GNG7: variants seen among roughly 807,000 people sequenced by gnomAD.
GNG7 encodes G protein subunit gamma 7.
Under a neutral mutation model 4.0 loss-of-function variants are expected in GNG7, and 1 was observed. That is an observed-to-expected ratio of 0.25 (90% CI 0.09 to 1.18). GNG7 has a LOEUF of 1.18. GNG7 is among the 50% of genes most tolerant of loss of function. GNG7 has a pLI of 0.50. For synonymous variants in GNG7, 34 were observed against 36.9 expected, an observed-to-expected ratio of 0.92 and a Z score of 0.29; for missense variants, 86 against 91.9, an observed-to-expected ratio of 0.94 and a Z score of 0.26.
chr19:2,524,513 T>C (rs1338126796), intron 3 of GNG7, among the ~76,000 whole-genome samples: 2 of 152,236 alleles, frequency 1.3e-5, no homozygotes, highest in Non-Finnish European at 2.9e-5. Context: ...AGTGTGCATA[T>C]ATGCGTGTGT....
intron 2 of GNG7, among the ~76,000 whole-genome samples, chr19:2,597,580 A>G (rs1981060790): frequency 8.2e-6 from 1 of 122,020 alleles, no homozygotes; most frequent in African/African-American, 3.1e-5. Flanking sequence ...CTGGGTGACA[A>G]GAGCAAAACT....
At position 2,617,747 on chromosome 19, in the gene GNG7, C is replaced by G. The variant is rs1981760923; in HGVS notation, c.-78+28477G>C. 1.3e-5 allele frequency among the ~76,000 whole-genome samples: 2 copies of G among 149,414 alleles called. No individual in the cohort carries two copies. Among genetic ancestry groups the G allele is most frequent in the African/African-American group, 2.5e-5 (1 of 40,180 alleles). On this transcript the variant is annotated intron_variant, in intron 2 of 4. Coordinates refer to ENST00000382159, the MANE Select transcript of GNG7 (RefSeq NM_052847.3). This position sits in a 1 kb window ranked among gnomAD's most constrained non-coding sequence, Gnocchi z 4.7. Reference sequence around the variant, plus strand: ...ATTTTTTTTTTTTTTGAGATAGGGTCTTGCTCTGTTGCCCAGGCTGGAGTG... The same window carrying G: ...ATTTTTTTTTTTTTTGAGATAGGGTGTTGCTCTGTTGCCCAGGCTGGAGTG...
At chr19:2,588,007 T>C (rs958943723) in intron 2 of GNG7, among the ~76,000 whole-genome samples, 1 of 152,132 alleles carries the variant, frequency 6.6e-6, no homozygotes, top group Admixed American at 6.5e-5. Context: ...TTCAGTATTG[T>C]TATTGCAAAT....
intron 1 of GNG7, among the ~76,000 whole-genome samples, chr19:2,698,311 C>G (rs1913319693): frequency 6.6e-6 from 1 of 151,504 alleles, no homozygotes. Context: ...CGCCTGTAAT[C>G]CCAACACTTT....
intron 3 of GNG7, chr19:2,538,900 C>T: frequency 4.9e-6 from 1 of 206,094 alleles, no homozygotes; most frequent in South Asian, 5.9e-5. Context: ...TCCCGAGTAG[C>T]TGGGATTACA....
chr19:2,569,244 T>C (rs11671754), intron 2 of GNG7, among the ~76,000 whole-genome samples: 71,472 of 152,014 alleles, frequency 0.47, 18,912 homozygotes, highest in South Asian at 0.58. Context: ...AGCTACACAG[T>C]GGATGGCGAT....
intron 3 of GNG7, among the ~76,000 whole-genome samples, chr19:2,551,645 A>ATTTATAAATATT (rs1979335396): frequency 7.0e-6 from 1 of 142,350 alleles, no homozygotes; most frequent in Admixed American, 7.4e-5. Context: ...ACACATATAC[A>ATTTATAAATATT]TATTTATAAA....
At chr19:2,637,683 G>A (rs772274892) in intron 2 of GNG7, among the ~76,000 whole-genome samples, 1 of 152,234 alleles carries the variant, frequency 6.6e-6, no homozygotes. Context: ...CTCCCCTTGC[G>A]TGTGTGGACA....
At chr19:2,552,124 G>A (rs550342480) in intron 3 of GNG7, among the ~76,000 whole-genome samples, 8 of 152,176 alleles carry the variant, frequency 5.3e-5, no homozygotes, top group African/African-American at 1.4e-4. Context: ...TTGGTTGCAC[G>A]CTCCTTATGA....
chr19:2,517,801 C>T (rs1026697070), intron 4 of GNG7, among the ~76,000 whole-genome samples: 2 of 152,250 alleles, frequency 1.3e-5, no homozygotes, highest in Non-Finnish European at 2.9e-5. Context: ...CATGAGCCGC[C>T]TCGCCTGGCC....
At chr19:2,662,979 A>G (rs1050382977) in intron 1 of GNG7, among the ~76,000 whole-genome samples, 15 of 152,212 alleles carry the variant, frequency 9.9e-5, no homozygotes, top group African/African-American at 3.6e-4. Context: ...CTGCACCAGA[A>G]AAAAATCAGG....
At chr19:2,693,807 G>C (rs1030185707) in intron 1 of GNG7, among the ~76,000 whole-genome samples, 3 of 152,076 alleles carry the variant, frequency 2.0e-5, no homozygotes, top group African/African-American at 4.8e-5. Context: ...ATGAGACAGA[G>C]ACAGCACCAG....
rs150770037 is a variant in GNG7, at chr19:2,600,213, T to C, written c.-77-45025A>G. Among the ~76,000 whole-genome samples, 1,013 of 151,756 alleles carry C rather than the reference T, an allele frequency of 6.7e-3. 7 individuals are homozygous for C. Among genetic ancestry groups the C allele is most frequent in the African/African-American group, 0.024 (973 of 41,374 alleles). On this transcript the variant is annotated intron_variant, in intron 2 of 4. Transcript: ENST00000382159. ...CCATTAAATATTTTTTTAAACCATA[T>C]ATTTTATATTAGGAGGATGACACGT...
At chr19:2,600,262 C>CAA (rs551659880) in intron 2 of GNG7, among the ~76,000 whole-genome samples, 13 of 132,418 alleles carry the variant, frequency 9.8e-5, no homozygotes, top group African/African-American at 3.0e-4. Flanking sequence ...AACTATTTTT[C>CAA]AAAAAAAAAA....
intron 1 of GNG7, among the ~76,000 whole-genome samples, chr19:2,688,994 G>A (rs962989583): frequency 2.6e-5 from 4 of 151,984 alleles, no homozygotes; most frequent in East Asian, 1.9e-4. Flanking sequence ...GAGCCCAGGA[G>A]TTGGAGGCTA....
rs571029694 is a variant in GNG7, at chr19:2,512,369, G to A, written c.*2653C>T. 3 of 985,302 alleles carry A rather than the reference G, an allele frequency of 3.0e-6. No homozygotes were observed. Among genetic ancestry groups the A allele is most frequent in the East Asian group, 1.1e-4 (1 of 8,796 alleles). The allele number at this position is 985,302 out of a possible 1,614,324, so 61.0% of individuals were successfully genotyped here. A position where few individuals can be genotyped will look rare whatever the true frequency, so the allele number is the denominator to read the frequency against. ...TCTACTCAAGAAAAAAAAAAGTGGA[G>A]AATTTTTTTTTTAATCCCCCAAGCT... On this transcript the variant is annotated 3_prime_UTR_variant, in exon 5 of 5. Transcript: ENST00000382159. The surrounding 1 kb of genome is among the most constrained non-coding windows in gnomAD (Gnocchi z 4.7).
intron 2 of GNG7, among the ~76,000 whole-genome samples, chr19:2,587,642 G>A (rs1980715384): frequency 6.6e-6 from 1 of 152,126 alleles, no homozygotes; most frequent in South Asian, 2.1e-4. Context: ...GCCTCATGCA[G>A]TTCACAAAAA....
intron 2 of GNG7, among the ~76,000 whole-genome samples, chr19:2,580,419 T>C (rs1194876490): frequency 6.6e-6 from 1 of 151,652 alleles, no homozygotes; most frequent in African/African-American, 2.4e-5. Context: ...GCCTCCCAAG[T>C]AGCTGGGACT....
chr19:2,638,577 G>A (rs112508922), intron 2 of GNG7, among the ~76,000 whole-genome samples: 1,727 of 138,542 alleles, frequency 0.012, 63 homozygotes, highest in African/African-American at 0.044. Flanking sequence ...AGGGAAGGGA[G>A]AAAGAAAGAG....
Sources: gnomAD v4.1 joint callset for allele counts (sites outside exome capture counted in the v4.1 genomes callset) on GRCh38, gnomAD v4.1.1 for gene constraint, Gnocchi (gnomAD v3.1) non-coding constraint, MANE v1.5 for transcripts, NCBI Gene and HGNC (gene_info 2026-07-23, HGNC 2026-07-21) for gene names.